TBL1X: variants seen among roughly 807,000 people sequenced by gnomAD.
TBL1X encodes F-box-like/WD repeat-containing protein TBL1X.
TBL1X carries 10 observed loss-of-function variants against 50.7 expected under a neutral mutation model. The ratio of observed to expected loss-of-function variants is 0.20; its 90% CI spans 0.12 to 0.33. TBL1X has a LOEUF of 0.33. TBL1X is among the 10% of genes least tolerant of loss of function. The pLI is 1.00. For synonymous variants in TBL1X, 190 were observed against 214.7 expected, an observed-to-expected ratio of 0.88 and a Z score of 1.01; for missense variants, 340 against 504.4, an observed-to-expected ratio of 0.67 and a Z score of 3.12.
upstream of TBL1X, among the ~76,000 whole-genome samples, chrX:9,464,282 T>C (rs758082967): frequency 1.4e-4 from 16 of 110,923 alleles, no homozygotes; most frequent in South Asian, 5.7e-3. Flanking sequence ...GCCTGGGGGG[T>C]TGGGGTGGGA....
intron 5 of TBL1X, among the ~76,000 whole-genome samples, chrX:9,661,078 AAC>A (rs2082895767): frequency 8.9e-6 from 1 of 112,358 alleles, no homozygotes; most frequent in African/African-American, 3.2e-5. Context: ...AGAACTGTGA[AAC>A]ACACATGTTG....
chrX:9,692,018 T>C, intron 8 of TBL1X, 95 bp from the exon 9 acceptor site: 4 of 1,152,481 alleles, frequency 3.5e-6, no homozygotes, highest in Non-Finnish European at 4.7e-6. Flanking sequence ...GAAGAGCATG[T>C]GCTGAAGATG....
At chrX:9,706,335 C>T (rs1479223119) in intron 13 of TBL1X, among the ~76,000 whole-genome samples, 2 of 111,098 alleles carry the variant, frequency 1.8e-5, no homozygotes, top group African/African-American at 3.3e-5. Context: ...AACCTATATG[C>T]GTGATGGGGA....
intron 1 of TBL1X, among the ~76,000 whole-genome samples, chrX:9,480,996 T>C (rs897218605): frequency 8.9e-6 from 1 of 111,816 alleles, no homozygotes; most frequent in African/African-American, 3.2e-5. Context: ...ATGTTATCAG[T>C]AATAATTATG....
At chrX:9,541,942 CT>C (rs747084885) in intron 2 of TBL1X, among the ~76,000 whole-genome samples, 442 of 95,032 alleles carry the variant, frequency 4.7e-3, no homozygotes, top group East Asian at 0.016. Context: ...TTTCTTTTTT[CT>C]TTTTTTTTTT....
At chrX:9,604,687 G>A (rs1268855038) in intron 2 of TBL1X, among the ~76,000 whole-genome samples, 1 of 111,020 alleles carries the variant, frequency 9.0e-6, no homozygotes, top group Admixed American at 9.5e-5. Flanking sequence ...GGAGGCCGCT[G>A]TTCCGCTTGG....
chrX:9,495,034 G>C (rs1646488238), intron 1 of TBL1X, among the ~76,000 whole-genome samples: 1 of 111,332 alleles, frequency 9.0e-6, no homozygotes, highest in Non-Finnish European at 1.9e-5. Flanking sequence ...GAATTGAAGG[G>C]GGCTGTTGGG....
At chrX:9,684,598 T>TAA (rs3043994) in intron 6 of TBL1X, among the ~76,000 whole-genome samples, 24 of 51,271 alleles carry the variant, frequency 4.7e-4, no homozygotes, top group East Asian at 2.2e-3. Flanking sequence ...TCTCTAAAAT[T>TAA]AAAAAAAAAA....
chrX:9,530,140 C>T (rs2082152922), intron 2 of TBL1X, among the ~76,000 whole-genome samples: 1 of 111,612 alleles, frequency 9.0e-6, no homozygotes, highest in Non-Finnish European at 1.9e-5. Flanking sequence ...AACAGGAGAG[C>T]CCTGTTATTG....
chrX:9,507,127 A>G (rs978871167), intron 2 of TBL1X, among the ~76,000 whole-genome samples: 1 of 112,345 alleles, frequency 8.9e-6, no homozygotes, highest in African/African-American at 3.2e-5. Flanking sequence ...AGGGTATTCA[A>G]ATAGGAAGAG....
chrX:9,471,884 A>ACC (rs1413773480), intron 1 of TBL1X, among the ~76,000 whole-genome samples: 2 of 111,155 alleles, frequency 1.8e-5, no homozygotes. Context: ...ACCGATTATG[A>ACC]CCCCAGATAG....
upstream of TBL1X, among the ~76,000 whole-genome samples, chrX:9,464,552 G>C (rs1401467152): frequency 9.0e-6 from 1 of 110,585 alleles, no homozygotes; most frequent in Non-Finnish European, 1.9e-5. Context: ...GGGCAGCCGG[G>C]TGGCTTCCTT....
At chrX:9,663,514 T>C (rs1378629146) in intron 5 of TBL1X, among the ~76,000 whole-genome samples, 1 of 111,485 alleles carries the variant, frequency 9.0e-6, no homozygotes, top group Non-Finnish European at 1.9e-5. Flanking sequence ...ATCCCGGCAC[T>C]TTAGGAAGCC....
intron 2 of TBL1X, among the ~76,000 whole-genome samples, chrX:9,622,724 A>T (rs185935281): frequency 8.1e-5 from 9 of 111,590 alleles, no homozygotes; most frequent in African/African-American, 2.9e-4. Flanking sequence ...CTGGTCTCGA[A>T]CTCCTGGTCT....
At chrX:9,633,355 A>G (rs1238976869) in intron 2 of TBL1X, among the ~76,000 whole-genome samples, 1 of 111,888 alleles carries the variant, frequency 8.9e-6, no homozygotes, top group Non-Finnish European at 1.9e-5. Context: ...TGCAGTGGTA[A>G]AAAATAATCC....
chrX:9,565,229 G>A (rs1477056159), intron 2 of TBL1X, among the ~76,000 whole-genome samples: 11 of 85,049 alleles, frequency 1.3e-4, no homozygotes, highest in African/African-American at 5.1e-4. Context: ...CCAAGATGGC[G>A]CCACTGCACT....
rs183330300 is a variant in TBL1X at position 9,573,646 on chromosome X, C to T, written c.-130-66627C>T. On this transcript the variant is annotated intron_variant, in intron 2 of 17. Transcript: ENST00000645353. Reference sequence around the variant, plus strand: ...ATTTGCCCCACAATACCTCACCGTGCCAGGGATGCATTTCCTGCCCTGTGC... The same window carrying T: ...ATTTGCCCCACAATACCTCACCGTGTCAGGGATGCATTTCCTGCCCTGTGC... Among the ~76,000 whole-genome samples, 5 of 112,494 alleles carry T rather than the reference C, an allele frequency of 4.4e-5. No individual in the cohort carries two copies. The East Asian group carries it at 1.4e-3, about 32-fold the overall frequency.
intron 2 of TBL1X, among the ~76,000 whole-genome samples, chrX:9,609,926 A>G (rs772490913): frequency 3.6e-5 from 4 of 112,618 alleles, no homozygotes; most frequent in Admixed American, 9.4e-5. Flanking sequence ...GTTCTTTCCA[A>G]TATTGCACTT....
chrX:9,465,512 C>T (rs946706958), intron 1 of TBL1X, 65 bp downstream of exon 1: 6 of 111,613 alleles, frequency 5.4e-5, no homozygotes, highest in African/African-American at 1.9e-4. Context: ...AGGCGGGTCC[C>T]GCGCTGACCC....
Sources: gnomAD v4.1 joint callset for allele counts (sites outside exome capture counted in the v4.1 genomes callset) on GRCh38, gnomAD v4.1.1 for gene constraint, MANE v1.5 for transcripts, NCBI Gene and HGNC (gene_info 2026-07-23, HGNC 2026-07-21) for gene names.